The following ADGRB3 variants were observed in gnomAD, a reference collection of about 807,000 sequenced individuals.
ADGRB3 encodes adhesion G protein-coupled receptor B3.
A neutral mutation model predicts 193.4 loss-of-function variants in ADGRB3; 37 were observed. That is an observed-to-expected ratio of 0.19 (90% CI 0.15 to 0.25). The LOEUF (loss-of-function observed/expected upper bound fraction) is 0.25, where lower values mean the gene tolerates loss of function less well. Ranked by LOEUF, ADGRB3 falls within the 10% of genes least tolerant of loss-of-function variation. The probability of loss-of-function intolerance (pLI) is 1.00; values close to 1 mark genes in which losing one functional copy is unlikely to be tolerated. For missense variants in ADGRB3, 1,637 were observed against 1,852.9 expected (o/e 0.88, Z 2.14); for synonymous variants, 690 against 644.2 (o/e 1.07, Z -1.08).
intron 17 of ADGRB3, among the ~76,000 whole-genome samples, chr6:69,163,416 T>C (rs1273154310): frequency 6.6e-6 from 1 of 152,108 alleles, no homozygotes; most frequent in African/African-American, 2.4e-5. Flanking sequence ...GACAAATGAT[T>C]TGCTCTGCAA....
chr6:68,778,359 G>A (rs750969840), intron 3 of ADGRB3, among the ~76,000 whole-genome samples: 12 of 152,052 alleles, frequency 7.9e-5, no homozygotes, highest in Non-Finnish European at 1.6e-4. Context: ...GCTTGTTCAT[G>A]TACATGTACA....
chr6:68,934,411 A>G (rs1562091735), intron 4 of ADGRB3, among the ~76,000 whole-genome samples: 1 of 152,190 alleles, frequency 6.6e-6, no homozygotes, highest in Non-Finnish European at 1.5e-5. Context: ...TAATTTAAAT[A>G]TAGGGCTTGA....
At chr6:69,175,255 C>T (rs190218364) in intron 17 of ADGRB3, among the ~76,000 whole-genome samples, 54 of 152,062 alleles carry the variant, frequency 3.6e-4, no homozygotes, top group African/African-American at 1.2e-3. Context: ...AACTATAAGA[C>T]TTCTAGAAGA....
At chr6:69,288,692 G>A (rs1022946549) in intron 20 of ADGRB3, among the ~76,000 whole-genome samples, 4 of 152,176 alleles carry the variant, frequency 2.6e-5, no homozygotes, top group African/African-American at 9.6e-5. Context: ...CAACACTGGT[G>A]TACTTCCTGG....
At chr6:68,813,081 C>T (rs1767549978) in intron 3 of ADGRB3, among the ~76,000 whole-genome samples, 1 of 152,064 alleles carries the variant, frequency 6.6e-6, no homozygotes, top group African/African-American at 2.4e-5. Context: ...GGGAGGGACC[C>T]AGGGGGAGGT....
At chr6:69,062,642 A>G (rs1303617611) in intron 15 of ADGRB3, among the ~76,000 whole-genome samples, 2 of 151,816 alleles carry the variant, frequency 1.3e-5, no homozygotes, top group East Asian at 1.9e-4. Context: ...TGAATTCACA[A>G]TCCATATCTC....
intron 17 of ADGRB3, among the ~76,000 whole-genome samples, chr6:69,088,963 T>C (rs1455427211): frequency 6.6e-6 from 1 of 152,226 alleles, no homozygotes; most frequent in Non-Finnish European, 1.5e-5. Flanking sequence ...TCAGCCATAG[T>C]TAGTGAAAGA....
At chr6:68,772,005 G>A (rs1210018304) in intron 3 of ADGRB3, among the ~76,000 whole-genome samples, 2 of 152,086 alleles carry the variant, frequency 1.3e-5, no homozygotes, top group East Asian at 1.9e-4. Context: ...CTATTTATTA[G>A]AAGAGGACTA....
intron 17 of ADGRB3, among the ~76,000 whole-genome samples, chr6:69,176,828 G>T (rs1561943033): frequency 6.6e-6 from 1 of 151,982 alleles, no homozygotes; most frequent in South Asian, 2.1e-4. Context: ...ATCTGCTCAG[G>T]GTTTCAATTT....
Position 69,049,277 on chromosome 6 carries a change from A to G in ADGRB3, c.2264A>G (p.Asp755Gly), listed in dbSNP as rs1297260007. The G allele has an allele frequency of 1.2e-6, 2 of 1,600,474 alleles. No individual in the cohort carries two copies. The highest frequency in any genetic ancestry group is 1.1e-5 in the South Asian group (1 of 89,172). ...CAAAATTTATTCTTTCTAGAATTAG[A>G]TGAATCATCTGTATTTGTTCTTGGC... ...IFTPVSSKEL[D>G]ESSVFVLGAV... is the part of the protein sequence containing the mutation. The change falls in exon 15 of 32, where the codon GAT (aspartate) becomes GGT (glycine). Residue 755 changes from aspartate to glycine, a missense_variant. Physicochemically the swap from Asp to Gly is moderately conservative, Grantham distance 94. Coordinates refer to ENST00000370598, the MANE Select transcript of ADGRB3 (RefSeq NM_001704.3).
rs76567394 is a variant in ADGRB3 at position 69,051,631 on chromosome 6, C to T, written c.2333+2285C>T. On this transcript the variant is annotated intron_variant, in intron 15 of 31. Coordinates refer to ENST00000370598, the MANE Select transcript of ADGRB3 (RefSeq NM_001704.3). ...CTCTTAAAGTAACATAATGTGACCA[C>T]TAAGTACCCTCGAGCTTGTTTTTCT... 5.3e-5 allele frequency among the ~76,000 whole-genome samples: 8 copies of T among 152,292 alleles called. No homozygotes were observed. The East Asian group carries it at 1.5e-3, about 29-fold the overall frequency.
chr6:69,170,811 T>G (rs1178360314), intron 17 of ADGRB3, among the ~76,000 whole-genome samples: 1 of 152,114 alleles, frequency 6.6e-6, no homozygotes, highest in Non-Finnish European at 1.5e-5. Flanking sequence ...GGAATTCAGA[T>G]ATGGAATTAG....
intron 3 of ADGRB3, among the ~76,000 whole-genome samples, chr6:68,883,652 G>A (rs757198847): frequency 1.3e-5 from 2 of 152,012 alleles, no homozygotes; most frequent in Non-Finnish European, 2.9e-5. Context: ...AACACTCACC[G>A]CAAAGGTCTG....
At chr6:68,820,941 A>G (rs777963307) in intron 3 of ADGRB3, among the ~76,000 whole-genome samples, 6 of 152,080 alleles carry the variant, frequency 3.9e-5, no homozygotes, top group Non-Finnish European at 5.9e-5. Flanking sequence ...TGTCAGTAAC[A>G]TGAAGTACAG....
At chr6:69,042,504 T>C (rs75441460) in intron 13 of ADGRB3, among the ~76,000 whole-genome samples, 178 of 152,294 alleles carry the variant, frequency 1.2e-3, no homozygotes, top group African/African-American at 4.2e-3. Context: ...GCTATGTAAA[T>C]ATATAAGTCA....
intron 3 of ADGRB3, among the ~76,000 whole-genome samples, chr6:68,784,626 G>A (rs1267478339): frequency 6.6e-6 from 1 of 152,008 alleles, no homozygotes; most frequent in Non-Finnish European, 1.5e-5. Flanking sequence ...ATAAAAAGCT[G>A]CTGAATATTT....
At chr6:68,844,288 TTAATAAC>T (rs1768229297) in intron 3 of ADGRB3, among the ~76,000 whole-genome samples, 1 of 151,934 alleles carries the variant, frequency 6.6e-6, no homozygotes, top group Middle Eastern at 3.4e-3. Context: ...TCACAAATGA[TTAATAAC>T]TAGAAAAAAG....
chr6:68,911,273 G>A (rs186170024), intron 3 of ADGRB3, among the ~76,000 whole-genome samples: 11 of 127,448 alleles, frequency 8.6e-5, no homozygotes, highest in Admixed American at 2.5e-4. Context: ...GTTGTGGGGT[G>A]GGGGGAGGGG....
At chr6:69,307,676 C>CT (rs1021699975) in intron 20 of ADGRB3, among the ~76,000 whole-genome samples, 3 of 150,656 alleles carry the variant, frequency 2.0e-5, no homozygotes, top group South Asian at 4.2e-4. Flanking sequence ...AAAGGTAGGA[C>CT]TTTTTTTTTC....
Sources: gnomAD v4.1 joint callset for allele counts (sites outside exome capture counted in the v4.1 genomes callset) on GRCh38, gnomAD v4.1.1 for gene constraint, MANE v1.5 for transcripts, NCBI Gene and HGNC (gene_info 2026-07-23, HGNC 2026-07-21) for gene names.